KCNIP4: variants seen among roughly 807,000 people sequenced by gnomAD.
KCNIP4 encodes the protein Kv channel-interacting protein 4.
Under a neutral mutation model 34.0 loss-of-function variants are expected in KCNIP4, and 12 were observed. That is an observed-to-expected ratio of 0.35 (90% CI 0.23 to 0.57). KCNIP4 has a LOEUF of 0.57. Ranked by LOEUF, KCNIP4 falls within the 20% of genes least tolerant of loss-of-function variation. The probability of loss-of-function intolerance (pLI) is 0.83; values close to 1 mark genes in which losing one functional copy is unlikely to be tolerated. For missense variants in KCNIP4, 238 were observed against 311.7 expected, an observed-to-expected ratio of 0.76 and a Z score of 1.78; for synonymous variants, 124 against 102.2, an observed-to-expected ratio of 1.21 and a Z score of -1.29.
chr4:20,831,647 C>T (rs1718438665), intron 3 of KCNIP4, among the ~76,000 whole-genome samples: 1 of 152,060 alleles, frequency 6.6e-6, no homozygotes, highest in African/African-American at 2.4e-5. Context: ...ATAAATGTAA[C>T]CTGTCCAATA....
chr4:21,340,936 G>A (rs532390604), intron 1 of KCNIP4, among the ~76,000 whole-genome samples: 3 of 152,242 alleles, frequency 2.0e-5, no homozygotes, highest in Admixed American at 2.0e-4. Flanking sequence ...ATTAACATCG[G>A]TGGGAACCTC....
At chr4:21,276,843 G>C (rs192322922) in intron 1 of KCNIP4, among the ~76,000 whole-genome samples, 2 of 152,034 alleles carry the variant, frequency 1.3e-5, no homozygotes, top group African/African-American at 4.8e-5. Context: ...TTGTTTGTCC[G>C]TTTACTCATC....
chr4:21,929,246 A>G (rs1031141948), intron 1 of KCNIP4, among the ~76,000 whole-genome samples: 1 of 152,080 alleles, frequency 6.6e-6, no homozygotes, highest in East Asian at 1.9e-4. Context: ...TGCAGAGGAG[A>G]GGCGATTAAA....
At chr4:20,757,510 T>A (rs1047902435) in intron 4 of KCNIP4, among the ~76,000 whole-genome samples, 2 of 152,152 alleles carry the variant, frequency 1.3e-5, no homozygotes, top group African/African-American at 4.8e-5. Context: ...CTAGGACATT[T>A]CACCCTCCAT....
At chr4:21,776,109 A>C (rs1301418752) in intron 1 of KCNIP4, among the ~76,000 whole-genome samples, 1 of 152,180 alleles carries the variant, frequency 6.6e-6, no homozygotes, top group Non-Finnish European at 1.5e-5. Context: ...TGGGTTGCAC[A>C]GTTCCGTGGA....
intron 1 of KCNIP4, among the ~76,000 whole-genome samples, chr4:20,933,817 A>G (rs1183981717): frequency 1.3e-5 from 2 of 152,064 alleles, no homozygotes; most frequent in African/African-American, 4.8e-5. Context: ...TAGGGTGGCT[A>G]CCCGTTCTGG....
chr4:21,395,755 CATT>C (rs759560239), intron 1 of KCNIP4, among the ~76,000 whole-genome samples: 5 of 152,084 alleles, frequency 3.3e-5, no homozygotes, highest in African/African-American at 4.8e-5. Flanking sequence ...TCATCATCAT[CATT>C]ATCAGCTTCA....
At chr4:21,373,870 A>AT (rs1396433967) in intron 1 of KCNIP4, among the ~76,000 whole-genome samples, 2 of 145,880 alleles carry the variant, frequency 1.4e-5, no homozygotes, top group African/African-American at 2.8e-5. Flanking sequence ...TACCCAGCAA[A>AT]TTTTTTGTAT....
At chr4:21,504,862 C>A (rs554536613) in intron 1 of KCNIP4, among the ~76,000 whole-genome samples, 2 of 152,214 alleles carry the variant, frequency 1.3e-5, no homozygotes, top group Admixed American at 1.3e-4. Flanking sequence ...AATTTGCTGC[C>A]CATTTTACTT....
intron 1 of KCNIP4, among the ~76,000 whole-genome samples, chr4:21,536,134 G>A (rs73801666): frequency 5.3e-5 from 8 of 152,052 alleles, no homozygotes; most frequent in Non-Finnish European, 8.8e-5. Flanking sequence ...GCTTCATTGC[G>A]TCAGGAATGC....
chr4:21,069,327 C>T (rs892723958), intron 1 of KCNIP4, among the ~76,000 whole-genome samples: 6 of 151,988 alleles, frequency 3.9e-5, no homozygotes, highest in South Asian at 2.1e-4. Flanking sequence ...TATATTGGTC[C>T]GCTTTATTTG....
chr4:21,073,595 G>T (rs1745184709), intron 1 of KCNIP4, among the ~76,000 whole-genome samples: 1 of 152,136 alleles, frequency 6.6e-6, no homozygotes, highest in African/African-American at 2.4e-5. Flanking sequence ...GGGACAATTT[G>T]ACTTCCTCTT....
intron 3 of KCNIP4, among the ~76,000 whole-genome samples, chr4:20,770,584 GCA>G (rs1365618725): frequency 1.3e-5 from 2 of 152,012 alleles, no homozygotes; most frequent in Non-Finnish European, 2.9e-5. Flanking sequence ...GCTGCAGCAT[GCA>G]CAGATTCAAC....
chr4:21,108,330 C>A (rs562480942), intron 1 of KCNIP4, among the ~76,000 whole-genome samples: 1 of 148,350 alleles, frequency 6.7e-6, no homozygotes. Flanking sequence ...CTTCCCTTCT[C>A]GCTTCATTTC....
At chr4:20,930,186 C>G (rs1192201577) in intron 1 of KCNIP4, among the ~76,000 whole-genome samples, 1 of 151,888 alleles carries the variant, frequency 6.6e-6, no homozygotes, top group Non-Finnish European at 1.5e-5. Flanking sequence ...AAAATGTGGA[C>G]CAACGGAACA....
intron 1 of KCNIP4, among the ~76,000 whole-genome samples, chr4:21,252,326 C>T (rs1327961561): frequency 6.6e-6 from 1 of 151,920 alleles, no homozygotes; most frequent in Non-Finnish European, 1.5e-5. Context: ...CAGCGTTTCA[C>T]CACGTTGGCC....
intron 2 of KCNIP4, among the ~76,000 whole-genome samples, chr4:20,862,623 T>C (rs1055553781): frequency 3.9e-5 from 6 of 152,144 alleles, no homozygotes; most frequent in African/African-American, 1.4e-4. Flanking sequence ...CTTTGATAGA[T>C]TTTCTCTTAG....
chr4:21,690,332 G>C (rs993077203), intron 1 of KCNIP4, among the ~76,000 whole-genome samples: 1 of 152,054 alleles, frequency 6.6e-6, no homozygotes, highest in East Asian at 1.9e-4. Flanking sequence ...TGTTGATATG[G>C]TTTGGATGTT....
chr4:21,794,693 C>G (rs1720512798), intron 1 of KCNIP4, among the ~76,000 whole-genome samples: 1 of 152,104 alleles, frequency 6.6e-6, no homozygotes, highest in South Asian at 2.1e-4. Context: ...AGTTTGTGAC[C>G]AGTCTAAAAC....
Sources: gnomAD v4.1 joint callset for allele counts (sites outside exome capture counted in the v4.1 genomes callset) on GRCh38, gnomAD v4.1.1 for gene constraint, MANE v1.5 for transcripts, NCBI Gene and HGNC (gene_info 2026-07-23, HGNC 2026-07-21) for gene names.